The following DMGDH variants were observed in gnomAD, a reference collection of about 807,000 sequenced individuals.
DMGDH encodes the protein dimethylglycine dehydrogenase.
A neutral mutation model predicts 95.2 loss-of-function variants in DMGDH; 76 were observed. That is an observed-to-expected ratio of 0.80 (90% CI 0.66 to 0.97). DMGDH has a LOEUF of 0.97. Ranked by LOEUF, DMGDH falls within the 50% of genes least tolerant of loss-of-function variation. The pLI is 0.00. For missense variants in DMGDH, 987 were observed against 1,055.0 expected (o/e 0.94, Z 0.89); for synonymous variants, 345 against 377.6 (o/e 0.91, Z 1.00).
At chr5:79,054,884 A>G (rs1754978921) in intron 3 of DMGDH, among the ~76,000 whole-genome samples, 1 of 152,210 alleles carries the variant, frequency 6.6e-6, no homozygotes, top group South Asian at 2.1e-4. Flanking sequence ...ACTTGTAGGG[A>G]GGACCAACAA....
At chr5:79,047,536 G>A (rs532033621) in intron 5 of DMGDH, among the ~76,000 whole-genome samples, 1 of 152,152 alleles carries the variant, frequency 6.6e-6, no homozygotes, top group South Asian at 2.1e-4. Flanking sequence ...TTGGAAATGA[G>A]GTAAAGAAAA....
chr5:79,021,747 A>G (rs1753872586), intron 14 of DMGDH: 1 of 1,270,768 alleles, frequency 7.9e-7, no homozygotes, highest in Non-Finnish European at 1.0e-6. Context: ...AATAAAAGGT[A>G]GTCCATACAA....
At chr5:79,011,807 G>T (rs1753652134) in intron 14 of DMGDH, among the ~76,000 whole-genome samples, 1 of 152,078 alleles carries the variant, frequency 6.6e-6, no homozygotes, top group Non-Finnish European at 1.5e-5. Flanking sequence ...CTATTGCGAG[G>T]ACAGTACCAA....
chr5:79,021,039 C>T (rs542975013), intron 14 of DMGDH: 45 of 985,654 alleles, frequency 4.6e-5, no homozygotes, highest in African/African-American at 4.5e-4. Context: ...AAGTTACTTC[C>T]TTTGGAACAT....
At chr5:79,003,222 A>C (rs1753484156) in intron 15 of DMGDH, among the ~76,000 whole-genome samples, 1 of 152,218 alleles carries the variant, frequency 6.6e-6, no homozygotes, top group African/African-American at 2.4e-5. Flanking sequence ...TATAAAACAA[A>C]GGGAAGATGA....
In DMGDH at chr5:79,036,497, A is replaced by G. The variant is rs184026325; in HGVS notation, c.1194-3089T>C. ...AGCCAAGAAAATCAGATTCAATTAAATACAATTCATAAGACTTTTTTGGGC... is the reference window on the plus strand; with the variant it reads ...AGCCAAGAAAATCAGATTCAATTAAGTACAATTCATAAGACTTTTTTGGGC... On this transcript the variant is annotated intron_variant, in intron 7 of 15. Coordinates refer to ENST00000255189, the MANE Select transcript of DMGDH (RefSeq NM_013391.3). Among the ~76,000 whole-genome samples, 17 of 152,350 alleles carry G rather than the reference A, an allele frequency of 1.1e-4. No homozygotes were observed. In the East Asian group the frequency reaches 3.1e-3, roughly 28 times the overall value.
At chr5:79,017,484 A>C (rs1207688261) in intron 14 of DMGDH, among the ~76,000 whole-genome samples, 1 of 152,216 alleles carries the variant, frequency 6.6e-6, no homozygotes, top group African/African-American at 2.4e-5. Flanking sequence ...TAGAATAGCT[A>C]AAGTTAAAAA....
chr5:79,015,048 A>G (rs1014842081), intron 14 of DMGDH, among the ~76,000 whole-genome samples: 8 of 152,104 alleles, frequency 5.3e-5, no homozygotes, highest in African/African-American at 1.9e-4. Context: ...GTCCAAAGCC[A>G]TACTTGCAGA....
intron 15 of DMGDH, chr5:79,000,587 G>A (rs1753436628): frequency 3.3e-6 from 2 of 605,566 alleles, no homozygotes; most frequent in Non-Finnish European, 6.4e-6. Context: ...GAACTTTCTG[G>A]CTGACATGCA....
Position 79,028,574 on chromosome 5 carries a change from C to A in DMGDH, c.1891G>T (p.Gly631Ter). The change falls in exon 12 of 16, where the codon GGA becomes TGA. Residue 631 changes from glycine to a stop codon, truncating the protein, a stop_gained. Coordinates refer to ENST00000255189, the MANE Select transcript of DMGDH (RefSeq NM_013391.3). LOFTEE classifies it high-confidence loss of function. ...KNITDELGVLGVAGPQARKVL... is the reference protein window; with the variant it reads ...KNITDELGVL ...TTTCTTGCCTGTGGCCCAGCAACTC[C>A]AAGAACTCCAAGCTCATCAGTTATG... 1 of 1,614,138 alleles carries A rather than the reference C, an allele frequency of 6.2e-7. No homozygotes were observed. Among genetic ancestry groups the A allele is most frequent in the Non-Finnish European group, 8.5e-7 (1 of 1,180,010 alleles).
intron 5 of DMGDH, among the ~76,000 whole-genome samples, chr5:79,048,604 A>T (rs1316187885): frequency 1.3e-5 from 2 of 152,214 alleles, no homozygotes; most frequent in Non-Finnish European, 2.9e-5. Context: ...ACTTCTGCAG[A>T]TAGTTGCTTT....
chr5:79,042,848 C>T (rs1754553876), intron 6 of DMGDH, among the ~76,000 whole-genome samples: 1 of 151,906 alleles, frequency 6.6e-6, no homozygotes, highest in African/African-American at 2.4e-5. Context: ...TGTTTCATCC[C>T]CTGAGATGAG....
chr5:79,051,467 C>T lies in DMGDH; in HGVS notation c.565G>A (p.Gly189Arg). 6.2e-7 allele frequency: 1 copy of T among 1,614,138 alleles called. No individual in the cohort carries two copies. The highest frequency in any genetic ancestry group is 2.2e-5 in the East Asian group (1 of 44,886). The change falls in exon 5 of 16, where the codon GGA becomes AGA. Residue 189 changes from glycine (G) to arginine (R), a missense_variant. Transcript: ENST00000255189. ...NKVLAGLYNP[G>R]DGHIDPYSLT... ...GAATAAGGATCAATGTGACCATCTCCAGGATTATACAATCCAGCTAAAACC... is the reference window on the plus strand; with the variant it reads ...GAATAAGGATCAATGTGACCATCTCTAGGATTATACAATCCAGCTAAAACC...
chr5:79,033,440 T>G, intron 7 of DMGDH, 32 bp from the exon 8 acceptor site: 1 of 1,611,808 alleles, frequency 6.2e-7, no homozygotes, highest in Non-Finnish European at 8.5e-7. Context: ...AACCCATTAC[T>G]AACACATGTA....
intron 14 of DMGDH, among the ~76,000 whole-genome samples, chr5:79,007,233 G>A (rs1014675480): frequency 1.4e-4 from 21 of 152,290 alleles, no homozygotes; most frequent in African/African-American, 4.3e-4. Flanking sequence ...GTTAAAACAG[G>A]CAGAGTTGAC....
chr5:79,063,828 T>C (rs1755287130), intron 1 of DMGDH, 41 bp from the exon 2 acceptor site: 8 of 1,604,790 alleles, frequency 5.0e-6, no homozygotes, highest in Non-Finnish European at 6.8e-6. Context: ...CAATCGGCAA[T>C]GGTAGCTATA....
intron 6 of DMGDH, among the ~76,000 whole-genome samples, chr5:79,044,005 A>G (rs1310152869): frequency 1.3e-5 from 2 of 152,226 alleles, no homozygotes; most frequent in Admixed American, 1.3e-4. Flanking sequence ...TTGAGGAAAA[A>G]ACGGGGAGGC....
chr5:78,999,865 CT>C (rs745981292), intron 15 of DMGDH, among the ~76,000 whole-genome samples: 1,606 of 134,502 alleles, frequency 0.012, 19 homozygotes, highest in African/African-American at 0.035. Flanking sequence ...TTAATCATTG[CT>C]TTTTTTTTTT....
intron 1 of DMGDH, 43 bp downstream of exon 1, chr5:79,069,474 CCCG>C: frequency 8.4e-7 from 1 of 1,192,512 alleles, no homozygotes. Flanking sequence ...GGCTCCCACC[CCCG>C]CAGCCGCCCC....
Sources: gnomAD v4.1 joint callset for allele counts (sites outside exome capture counted in the v4.1 genomes callset) on GRCh38, gnomAD v4.1.1 for gene constraint, MANE v1.5 for transcripts, NCBI Gene and HGNC (gene_info 2026-07-23, HGNC 2026-07-21) for gene names.